The following KANSL1L variants were observed in gnomAD, a reference collection of about 807,000 sequenced individuals.
The protein encoded by KANSL1L is KAT8 regulatory NSL complex subunit 1-like protein.
KANSL1L carries 25 observed loss-of-function variants against 108.6 expected under a neutral mutation model. That is an observed-to-expected ratio of 0.23 (90% CI 0.17 to 0.32). The LOEUF (loss-of-function observed/expected upper bound fraction) is 0.32, where lower values mean the gene tolerates loss of function less well. Ranked by LOEUF, KANSL1L falls within the 10% of genes least tolerant of loss-of-function variation. The pLI is 1.00. For missense variants in KANSL1L, 1,137 were observed against 1,125.7 expected, an observed-to-expected ratio of 1.01 and a Z score of -0.14; for synonymous variants, 405 against 395.1, an observed-to-expected ratio of 1.03 and a Z score of -0.30.
chr2:210,045,491 A>G (rs892319021), intron 6 of KANSL1L, among the ~76,000 whole-genome samples: 1 of 152,178 alleles, frequency 6.6e-6, no homozygotes, highest in Non-Finnish European at 1.5e-5. Flanking sequence ...CTCACAATAT[A>G]TTGGTGTTAT....
At chr2:210,095,172 A>T (rs890096602) in intron 5 of KANSL1L, among the ~76,000 whole-genome samples, 3 of 152,036 alleles carry the variant, frequency 2.0e-5, no homozygotes, top group African/African-American at 7.2e-5. Flanking sequence ...TGTTTTCTAC[A>T]TTTCTCACCT....
chr2:210,094,379 A>G (rs2094718101), intron 5 of KANSL1L, among the ~76,000 whole-genome samples: 1 of 152,250 alleles, frequency 6.6e-6, no homozygotes, highest in South Asian at 2.1e-4. Context: ...CTGAAATACC[A>G]TTAAATAGAC....
intron 6 of KANSL1L, among the ~76,000 whole-genome samples, chr2:210,067,667 C>T (rs1324578037): frequency 2.2e-5 from 3 of 135,366 alleles, no homozygotes; most frequent in Admixed American, 8.2e-5. Flanking sequence ...GCTGAGATCA[C>T]TTAACTGCAC....
At chr2:210,087,056 T>C (rs1019809195) in intron 5 of KANSL1L, among the ~76,000 whole-genome samples, 7 of 151,584 alleles carry the variant, frequency 4.6e-5, no homozygotes, top group Non-Finnish European at 2.9e-5. Context: ...TGAGACAGGA[T>C]CTTGCTCTGT....
At chr2:210,166,133 TCTTGCCCTG>T (rs1687944644) in intron 1 of KANSL1L, among the ~76,000 whole-genome samples, 1 of 152,106 alleles carries the variant, frequency 6.6e-6, no homozygotes, top group Non-Finnish European at 1.5e-5. Flanking sequence ...AAATAAAAGG[TCTTGCCCTG>T]TTGTCTCCAG....
At chr2:210,138,889 A>G (rs2095200450) in intron 2 of KANSL1L, among the ~76,000 whole-genome samples, 1 of 152,114 alleles carries the variant, frequency 6.6e-6, no homozygotes, top group African/African-American at 2.4e-5. Flanking sequence ...ACCTAAGGTC[A>G]GGAGTTCAAG....
At chr2:210,134,947 G>A (rs542643975) in intron 2 of KANSL1L, among the ~76,000 whole-genome samples, 1 of 152,228 alleles carries the variant, frequency 6.6e-6, no homozygotes, top group East Asian at 1.9e-4. Flanking sequence ...AAGAATCATA[G>A]ACCAAGAGTA....
rs760005755 is a variant in KANSL1L at position 210,129,041 on chromosome 2, C to T, written c.1220G>A (p.Arg407His). ...QQLTDIHRQIRASKGIVVLEE... is the reference protein window; with the variant it reads ...QQLTDIHRQIHASKGIVVLEE... ...ACAGACAGACAATACCTTGGAGGCA[C>T]GAATTTGCCTGTGAATGTCTGTTAG... Residue 407 changes from arginine (R) to histidine (H), a missense_variant, in exon 3 of 15, where the codon CGT becomes CAT. This residue lies in a region of KANSL1L where 556 missense variants were observed against 537.7 expected (regional missense o/e 1.03). Coordinates refer to ENST00000281772, the MANE Select transcript of KANSL1L (RefSeq NM_152519.4). 1.1e-5 allele frequency: 18 copies of T among 1,613,392 alleles called. No homozygotes were observed. Among genetic ancestry groups the T allele is most frequent in the African/African-American group, 1.3e-5 (1 of 75,000 alleles).
At position 210,123,520 on chromosome 2, in the gene KANSL1L, C is replaced by T. The variant is rs532625441; in HGVS notation, c.1230+5511G>A. On this transcript the variant is annotated intron_variant, in intron 3 of 14. Coordinates refer to ENST00000281772, the MANE Select transcript of KANSL1L (RefSeq NM_152519.4). ...CATGGAGATAGTAGAATGATGATTA[C>T]TAGAGGTTGGGAAGGGTGGGGGAGA... 2.0e-5 allele frequency among the ~76,000 whole-genome samples: 3 copies of T among 151,384 alleles called. No homozygotes were observed. In the South Asian group the frequency reaches 6.2e-4, roughly 31 times the overall value.
intron 2 of KANSL1L, 28 bp from the exon 3 acceptor site, chr2:210,129,200 A>G: frequency 6.4e-7 from 1 of 1,554,340 alleles, no homozygotes; most frequent in Admixed American, 1.8e-5. Flanking sequence ...ACTGTTACTC[A>G]AAGCACAAAG....
intron 2 of KANSL1L, among the ~76,000 whole-genome samples, chr2:210,145,136 G>A (rs547877370): frequency 2.1e-4 from 32 of 152,270 alleles, no homozygotes; most frequent in South Asian, 6.2e-4. Flanking sequence ...CCACAGCAGC[G>A]GCAAGGGTTA....
At chr2:210,170,653 G>A (rs1688277258) in intron 1 of KANSL1L, 1 of 152,274 alleles carries the variant, frequency 6.6e-6, no homozygotes, top group Non-Finnish European at 1.5e-5. Context: ...CTGAAAGAAA[G>A]TGTGAAATAA....
rs535274666 is a variant in KANSL1L, at chr2:210,049,283, AC to A, written c.1756-5180del. 7.0e-5 allele frequency among the ~76,000 whole-genome samples: 10 copies of A among 142,190 alleles called. No homozygotes were observed. In the South Asian group the frequency reaches 1.9e-3, roughly 27 times the overall value. The allele number at this position is 142,190 out of a possible 152,430, so 93.3% of individuals were successfully genotyped here. Reference sequence around the variant, plus strand: ...TGGATTCTTAGTATGTTTCTCTTCCACCCCCCCACCCCTCCACCCACCACAC... The same window carrying A: ...TGGATTCTTAGTATGTTTCTCTTCCACCCCCCACCCCTCCACCCACCACAC... On this transcript the variant is annotated intron_variant, in intron 6 of 14. Transcript: ENST00000281772.
intron 1 of KANSL1L, chr2:210,170,747 G>A (rs554878088): frequency 6.6e-6 from 1 of 152,414 alleles, no homozygotes; most frequent in East Asian, 1.9e-4. Context: ...CAATGGGTGA[G>A]GCTCAGCCGA....
intron 3 of KANSL1L, among the ~76,000 whole-genome samples, chr2:210,105,029 A>AT: frequency 6.6e-6 from 1 of 152,204 alleles, no homozygotes; most frequent in East Asian, 1.9e-4. Flanking sequence ...AAACATACTT[A>AT]TTCCTCAACT....
At chr2:210,162,063 TAAA>T (rs779066763) in intron 1 of KANSL1L, among the ~76,000 whole-genome samples, 1 of 112,928 alleles carries the variant, frequency 8.9e-6, no homozygotes, top group African/African-American at 3.2e-5. Context: ...TGTCTCTATT[TAAA>T]AAAAAAAAAA....
rs747786391 is a variant in KANSL1L, at chr2:210,028,963, C to T, written c.2278G>A (p.Ala760Thr). ...SRIQNSSRNT[A>T]RRRLRSESSY... ...CTCTCACTTCTCAATCTCCGTCGTGCAGTATTCTGCAAAACAGGATTACAG... is the reference window on the plus strand; with the variant it reads ...CTCTCACTTCTCAATCTCCGTCGTGTAGTATTCTGCAAAACAGGATTACAG... Residue 760 changes from alanine (A) to threonine (T), a missense_variant, in exon 11 of 15, where the codon GCA becomes ACA. Coordinates refer to ENST00000281772, the MANE Select transcript of KANSL1L (RefSeq NM_152519.4). 7 of 1,609,658 alleles carry T rather than the reference C, an allele frequency of 4.3e-6. No homozygotes were observed. The highest frequency in any genetic ancestry group is 5.1e-6 in the Non-Finnish European group (6 of 1,177,508).
chr2:210,149,338 T>C (rs1049351366), intron 2 of KANSL1L, among the ~76,000 whole-genome samples: 1 of 152,178 alleles, frequency 6.6e-6, no homozygotes, highest in African/African-American at 2.4e-5. Context: ...AATACTCATG[T>C]TGCTTAAAAT....
At chr2:210,165,478 A>T (rs1017794335) in intron 1 of KANSL1L, among the ~76,000 whole-genome samples, 4 of 152,116 alleles carry the variant, frequency 2.6e-5, no homozygotes, top group Non-Finnish European at 5.9e-5. Flanking sequence ...GGTTATATTA[A>T]ATTTGTTATA....
Sources: gnomAD v4.1 joint callset for allele counts (sites outside exome capture counted in the v4.1 genomes callset) on GRCh38, gnomAD v4.1.1 for gene constraint, gnomAD v4.1.1 regional missense constraint, MANE v1.5 for transcripts, NCBI Gene and HGNC (gene_info 2026-07-23, HGNC 2026-07-21) for gene names.